Variants in PPP1R14C observed in about 807,000 individuals in gnomAD.
The protein encoded by PPP1R14C is protein phosphatase 1 regulatory inhibitor subunit 14C.
PPP1R14C carries 16 observed loss-of-function variants against 20.4 expected under a neutral mutation model. That is an observed-to-expected ratio of 0.78 (90% confidence interval 0.53 to 1.19). The LOEUF (loss-of-function observed/expected upper bound fraction) is 1.19, where lower values mean the gene tolerates loss of function less well. Among genes scored for constraint, PPP1R14C ranks in the 50% most tolerant of loss-of-function variants. The pLI is 0.00. For synonymous variants in PPP1R14C, 91 were observed against 91.0 expected (o/e 1.00, Z 0.00); for missense variants, 211 against 220.1 (o/e 0.96, Z 0.26).
intron 3 of PPP1R14C, among the ~76,000 whole-genome samples, chr6:150,238,538 C>T (rs1268568967): frequency 1.3e-5 from 2 of 152,266 alleles, no homozygotes; most frequent in Non-Finnish European, 2.9e-5. Context: ...ATGGGAGGAG[C>T]CTGAACTGGC....
At chr6:150,244,263 C>T (rs1409795347) in intron 3 of PPP1R14C, among the ~76,000 whole-genome samples, 1 of 152,024 alleles carries the variant, frequency 6.6e-6, no homozygotes, top group Non-Finnish European at 1.5e-5. Context: ...CTTTCTTGCC[C>T]GATCCATTAT....
In PPP1R14C at chr6:150,185,741, A is replaced by G. The variant is rs1349170384; in HGVS notation, c.307-29003A>G. ...ACACTCAGGAGTGACCCAAACTTTCAGTGGCTTAAACCGAGCAAGTCATAT... is the reference window on the plus strand; with the variant it reads ...ACACTCAGGAGTGACCCAAACTTTCGGTGGCTTAAACCGAGCAAGTCATAT... On this transcript the variant is annotated intron_variant, in intron 1 of 3. Coordinates refer to ENST00000361131, the MANE Select transcript of PPP1R14C (RefSeq NM_030949.3). The surrounding 1 kb of genome is among the most constrained non-coding windows in gnomAD (Gnocchi z 4.1). Among the ~76,000 whole-genome samples, 2 of 152,106 alleles carry G rather than the reference A, an allele frequency of 1.3e-5. No homozygotes were observed. The highest frequency in any genetic ancestry group is 4.8e-5 in the African/African-American group (2 of 41,404).
At chr6:150,177,900 G>T (rs1157100224) in intron 1 of PPP1R14C, among the ~76,000 whole-genome samples, 1 of 152,212 alleles carries the variant, frequency 6.6e-6, no homozygotes, top group Non-Finnish European at 1.5e-5. Context: ...AGAAAGATGG[G>T]CTTCCCTGTG....
At chr6:150,245,116 C>A (rs1056192334) in intron 3 of PPP1R14C, among the ~76,000 whole-genome samples, 9 of 152,250 alleles carry the variant, frequency 5.9e-5, no homozygotes, top group African/African-American at 1.9e-4. Flanking sequence ...CTTTCCTGTT[C>A]CCCCTCCCCG....
At chr6:150,222,717 A>G (rs1022540673) in intron 3 of PPP1R14C, among the ~76,000 whole-genome samples, 1 of 126,050 alleles carries the variant, frequency 7.9e-6, no homozygotes, top group African/African-American at 3.1e-5. Flanking sequence ...TAGCCTTTCT[A>G]TTTTCAGAAT....
At chr6:150,208,410 T>G (rs1777980619) in intron 1 of PPP1R14C, among the ~76,000 whole-genome samples, 1 of 152,156 alleles carries the variant, frequency 6.6e-6, no homozygotes. Flanking sequence ...TATATAGTGA[T>G]GTGTCATAGG....
chr6:150,157,723 C>A (rs938728335), intron 1 of PPP1R14C, among the ~76,000 whole-genome samples: 1 of 152,074 alleles, frequency 6.6e-6, no homozygotes, highest in African/African-American at 2.4e-5. Flanking sequence ...CAAAACAGAC[C>A]CTGCCCTGGA....
chr6:150,195,955 G>T, intron 1 of PPP1R14C: 1 of 985,406 alleles, frequency 1.0e-6, no homozygotes, highest in South Asian at 4.7e-5. Flanking sequence ...TGTGTCCAAG[G>T]ACTGAAGACC....
intron 3 of PPP1R14C, among the ~76,000 whole-genome samples, chr6:150,222,979 G>A (rs1440328053): frequency 6.6e-6 from 1 of 151,940 alleles, no homozygotes; most frequent in Non-Finnish European, 1.5e-5. Flanking sequence ...ATGTTGGCAA[G>A]GCTGGTCTTG....
chr6:150,227,841 C>G (rs931822322), intron 3 of PPP1R14C, among the ~76,000 whole-genome samples: 4 of 152,160 alleles, frequency 2.6e-5, no homozygotes, highest in African/African-American at 9.7e-5. Flanking sequence ...ATTGGGCAGG[C>G]AAGTATTAAA....
chr6:150,146,267 TG>T (rs1777179474), intron 1 of PPP1R14C, among the ~76,000 whole-genome samples: 3 of 152,200 alleles, frequency 2.0e-5, no homozygotes, highest in African/African-American at 7.2e-5. Flanking sequence ...GTGGGTGGGT[TG>T]GGGTTGAGGA....
chr6:150,211,804 A>G (rs573382577), intron 1 of PPP1R14C, among the ~76,000 whole-genome samples: 69 of 152,136 alleles, frequency 4.5e-4, no homozygotes, highest in Non-Finnish European at 7.6e-4. Flanking sequence ...CCCGGGACGC[A>G]TGCTGAGCTG....
Position 150,248,993 on chromosome 6 carries a change from C to CT in PPP1R14C, c.*180dup, listed in dbSNP as rs1562279821. The CT allele has an allele frequency of 4.0e-5, 18 of 445,134 alleles. No homozygotes were observed. The highest frequency in any genetic ancestry group is 6.3e-5 in the Non-Finnish European group (16 of 254,652). 27.6% of individuals were successfully genotyped at this position (445,134 alleles called of 1,614,324 possible). Reference sequence around the variant, plus strand: ...TATTAGACATTTATTCAAGAGCGTTCTTTTTTTGGTTTTAAAGGTTTTTGT... The same window carrying CT: ...TATTAGACATTTATTCAAGAGCGTTCTTTTTTTTGGTTTTAAAGGTTTTTGT... On this transcript the variant is annotated 3_prime_UTR_variant, in exon 4 of 4. Transcript: ENST00000361131.
At chr6:150,219,129 C>A (rs1778136005) in intron 3 of PPP1R14C, among the ~76,000 whole-genome samples, 1 of 151,926 alleles carries the variant, frequency 6.6e-6, no homozygotes, top group African/African-American at 2.4e-5. Context: ...ATGATTTAAA[C>A]AAATGTTTTT....
intron 1 of PPP1R14C, among the ~76,000 whole-genome samples, chr6:150,182,503 T>C (rs1777633246): frequency 6.6e-6 from 1 of 152,234 alleles, no homozygotes; most frequent in African/African-American, 2.4e-5. Flanking sequence ...TCCACTCTCA[T>C]GACCTAATAA....
intron 3 of PPP1R14C, among the ~76,000 whole-genome samples, chr6:150,237,360 T>C (rs1304064587): frequency 6.6e-6 from 1 of 152,106 alleles, no homozygotes; most frequent in Non-Finnish European, 1.5e-5. Flanking sequence ...TGTGCCACCA[T>C]GCCCTGCTAA....
At chr6:150,236,232 T>A (rs1778358308) in intron 3 of PPP1R14C, among the ~76,000 whole-genome samples, 1 of 152,150 alleles carries the variant, frequency 6.6e-6, no homozygotes, top group Non-Finnish European at 1.5e-5. Flanking sequence ...TGAGACAGTA[T>A]GTGAAAATAA....
chr6:150,228,594 C>G (rs945207125), intron 3 of PPP1R14C, among the ~76,000 whole-genome samples: 9 of 152,116 alleles, frequency 5.9e-5, no homozygotes, highest in African/African-American at 2.2e-4. Context: ...AGTTGACTAC[C>G]CATGTGGCTG....
chr6:150,241,668 C>G (rs1778432249), intron 3 of PPP1R14C, among the ~76,000 whole-genome samples: 1 of 152,170 alleles, frequency 6.6e-6, no homozygotes, highest in Non-Finnish European at 1.5e-5. Context: ...GGGCGGATCA[C>G]TTGAGGCCAG....
Sources: gnomAD v4.1 joint callset for allele counts (sites outside exome capture counted in the v4.1 genomes callset) on GRCh38, gnomAD v4.1.1 for gene constraint, Gnocchi (gnomAD v3.1) non-coding constraint, MANE v1.5 for transcripts, NCBI Gene and HGNC (gene_info 2026-07-23, HGNC 2026-07-21) for gene names.